Variants in CFAP251 observed in about 807,000 individuals in gnomAD.
CFAP251 encodes cilia and flagella associated protein 251.
In CFAP251, 93 loss-of-function variants were observed where a neutral mutation model predicts 126.7. The observed-to-expected ratio is 0.73, with a 90% CI of 0.62 to 0.87. The LOEUF is 0.87. CFAP251 is among the 40% of genes least tolerant of loss of function. The probability of loss-of-function intolerance (pLI) is 0.00; values close to 1 mark genes in which losing one functional copy is unlikely to be tolerated. For synonymous variants in CFAP251, 503 were observed against 506.9 expected (o/e 0.99, Z 0.10); for missense variants, 1,287 against 1,389.2 (o/e 0.93, Z 1.17).
intron 20 of CFAP251, among the ~76,000 whole-genome samples, chr12:122,001,289 C>T (rs1405603393): frequency 6.6e-6 from 1 of 151,944 alleles, no homozygotes; most frequent in Non-Finnish European, 1.5e-5. Context: ...CTCCTGACCT[C>T]AAGTGATACG....
rs1880638285 is a variant in CFAP251, at chr12:121,930,482, T to A, written c.748-1264T>A. Reference sequence around the variant, plus strand: ...AGCCTGGCAACAGAGTGAGACTCTGTTCCCTCCTCCAAAAAAAACAAAAAA... The same window carrying A: ...AGCCTGGCAACAGAGTGAGACTCTGATCCCTCCTCCAAAAAAAACAAAAAA... On this transcript the variant is annotated intron_variant, in intron 3 of 21. Coordinates refer to ENST00000288912, the MANE Select transcript of CFAP251 (RefSeq NM_144668.6). 2.0e-5 allele frequency among the ~76,000 whole-genome samples: 3 copies of A among 150,698 alleles called. No individual in the cohort carries two copies. In the South Asian group the frequency reaches 6.3e-4, roughly 32 times the overall value.
At chr12:121,975,112 A>G (rs1215104188) in intron 17 of CFAP251, 132 bp from the exon 18 acceptor site, 6 of 662,128 alleles carry the variant, frequency 9.1e-6, no homozygotes, top group Non-Finnish European at 1.6e-5. Flanking sequence ...TTTTCTTAAC[A>G]AGTGTGTAGA....
chr12:121,919,752 T>C (rs1236009317), intron 1 of CFAP251, among the ~76,000 whole-genome samples: 1 of 152,174 alleles, frequency 6.6e-6, no homozygotes, highest in Non-Finnish European at 1.5e-5. Flanking sequence ...TGCTAATATG[T>C]GGGTTATGCA....
At chr12:121,938,101 C>T (rs552800864) in intron 5 of CFAP251, among the ~76,000 whole-genome samples, 16 of 151,970 alleles carry the variant, frequency 1.1e-4, no homozygotes, top group Non-Finnish European at 2.1e-4. Flanking sequence ...GCCTCCGAGG[C>T]TCAAGTGATC....
intron 19 of CFAP251, among the ~76,000 whole-genome samples, chr12:121,995,557 C>T (rs948792212): frequency 2.0e-5 from 3 of 152,064 alleles, no homozygotes; most frequent in African/African-American, 7.2e-5. Flanking sequence ...AGCTGGAGTG[C>T]AGTGGCACAA....
intron 3 of CFAP251, among the ~76,000 whole-genome samples, chr12:121,930,466 A>G (rs1880636871): frequency 7.2e-6 from 1 of 138,432 alleles, no homozygotes; most frequent in Admixed American, 7.6e-5. Context: ...CAGCCTGGCA[A>G]CAGAGTGAGA....
rs538153615 is a variant in CFAP251, at chr12:121,922,843, A to G, written c.379-779A>G. On this transcript the variant is annotated intron_variant, in intron 2 of 21. Transcript: ENST00000288912. ...CTCGCTCTGTCGCCCAGGCTGGAGTACAGTGGTGCAATCTTGGCTCACTGC... is the reference window on the plus strand; with the variant it reads ...CTCGCTCTGTCGCCCAGGCTGGAGTGCAGTGGTGCAATCTTGGCTCACTGC... 3.2e-4 allele frequency among the ~76,000 whole-genome samples: 49 copies of G among 152,094 alleles called. No homozygotes were observed. In the South Asian group the frequency reaches 1.0e-2, roughly 31 times the overall value.
At position 121,991,992 on chromosome 12, in the gene CFAP251, T is replaced by TA. The variant is rs924052711; in HGVS notation, c.3007-7713dup. 4.6e-4 allele frequency among the ~76,000 whole-genome samples: 68 copies of TA among 147,774 alleles called. 1 individual carries two copies. The highest frequency in any genetic ancestry group is 1.7e-3 in the Admixed American group (25 of 14,812). On this transcript the variant is annotated intron_variant, in intron 19 of 21. Coordinates refer to ENST00000288912, the MANE Select transcript of CFAP251 (RefSeq NM_144668.6). Reference sequence around the variant, plus strand: ...TGGGCGACAGAGTGAGACTATCATCTAAAAAAAAAAATCAGGTTCTCAGGG... The same window carrying TA: ...TGGGCGACAGAGTGAGACTATCATCTAAAAAAAAAAAATCAGGTTCTCAGGG...
intron 1 of CFAP251, 113 bp from the exon 2 acceptor site, chr12:121,921,173 C>A: frequency 1.7e-6 from 2 of 1,189,290 alleles, no homozygotes; most frequent in Non-Finnish European, 2.3e-6. Context: ...CTTTTTATTC[C>A]TATGGAAAGG....
intron 7 of CFAP251, chr12:121,947,807 C>G (rs1203621914): frequency 6.6e-6 from 1 of 152,180 alleles, no homozygotes; most frequent in African/African-American, 2.4e-5. Context: ...GCCTCATGCA[C>G]TTGCTTTTGC....
At chr12:121,941,388 C>T (rs1881111855) in intron 5 of CFAP251, among the ~76,000 whole-genome samples, 3 of 131,680 alleles carry the variant, frequency 2.3e-5, no homozygotes, top group Admixed American at 1.8e-4. Flanking sequence ...GGCTGGAGTG[C>T]GGTGGCGTGA....
rs74545937 is a variant in CFAP251 at position 121,931,394 on chromosome 12, C to A, written c.748-352C>A. ...ATGGCGCGATCTCGGCTCACTGCAA[C>A]CTCCGCCTCCCGGGTTCAAGTGATT... is the stretch of plus-strand genomic sequence containing the variant. On this transcript the variant is annotated intron_variant, in intron 3 of 21. Coordinates refer to ENST00000288912, the MANE Select transcript of CFAP251 (RefSeq NM_144668.6). Among the ~76,000 whole-genome samples, 195 of 150,658 alleles carry A rather than the reference C, an allele frequency of 1.3e-3. 4 individuals are homozygous for A. The East Asian group carries it at 0.036, about 28-fold the overall frequency.
At position 121,989,410 on chromosome 12, in the gene CFAP251, C is replaced by T. The variant is rs1593005374; in HGVS notation, c.3007-10306C>T. On this transcript the variant is annotated intron_variant, in intron 19 of 21. Coordinates refer to ENST00000288912, the MANE Select transcript of CFAP251 (RefSeq NM_144668.6). The surrounding 1 kb of genome is among the most constrained non-coding windows in gnomAD (Gnocchi z 4.2). ...AGGGCAGAACTGTGCATGCATGCCC[C>T]ACTCCTGGAAAAAGAGGCAGTCGCC... Among the ~76,000 whole-genome samples the T allele has an allele frequency of 6.6e-6, 1 of 152,238 alleles. No homozygotes were observed. Among genetic ancestry groups the T allele is most frequent in the East Asian group, 1.9e-4 (1 of 5,194 alleles).
chr12:121,958,550 G>C lies in CFAP251; in HGVS notation c.1981+28G>C, dbSNP rs374530029. 15 of 1,612,780 alleles carry C rather than the reference G, an allele frequency of 9.3e-6. No homozygotes were observed. In the African/African-American group the frequency reaches 2.0e-4, roughly 22 times the overall value. On this transcript the variant is annotated intron_variant, in intron 12 of 21. Coordinates refer to ENST00000288912, the MANE Select transcript of CFAP251 (RefSeq NM_144668.6). ...ATTTTCATCTTATCAGCCTACCATC[G>C]GTTCCACATGGACAGCCCTGAAAGG...
chr12:121,986,184 G>T (rs1346877909), intron 19 of CFAP251, among the ~76,000 whole-genome samples: 1 of 151,884 alleles, frequency 6.6e-6, no homozygotes, highest in Non-Finnish European at 1.5e-5. Flanking sequence ...TAGAGATGGG[G>T]TTTCGCCATG....
At chr12:121,952,420 TA>T (rs11324705) in intron 9 of CFAP251, among the ~76,000 whole-genome samples, 11,783 of 146,598 alleles carry the variant, frequency 0.08, 879 homozygotes, top group African/African-American at 0.2. Context: ...ACCCTGTATA[TA>T]AAAAAAAAAA....
intron 4 of CFAP251, chr12:121,933,716 G>T: frequency 6.5e-6 from 1 of 152,724 alleles, no homozygotes. Context: ...CTACTTGGGA[G>T]GCCGAGGTGG....
chr12:121,932,010 C>A, intron 4 of CFAP251, 124 bp downstream of exon 4: 2 of 969,014 alleles, frequency 2.1e-6, no homozygotes, highest in Non-Finnish European at 2.8e-6. Context: ...CTCCTTGGAA[C>A]TAAAAGCAAG....
In CFAP251 at chr12:121,969,993, T is replaced by C. The variant is rs539242944; in HGVS notation, c.2771+1824T>C. On this transcript the variant is annotated intron_variant, in intron 17 of 21. Coordinates refer to ENST00000288912, the MANE Select transcript of CFAP251 (RefSeq NM_144668.6). ...TGCTGCTTCTGGTGACTTAATATGA[T>C]CAGCACTTCACTAATGGAGAGAAAT... 5 of 977,190 alleles carry C rather than the reference T, an allele frequency of 5.1e-6. No individual in the cohort carries two copies. In the South Asian group the frequency reaches 1.9e-4, roughly 37 times the overall value. 60.5% of individuals were successfully genotyped at this position (977,190 alleles called of 1,614,324 possible). A position where few individuals can be genotyped will look rare whatever the true frequency, so the allele number is the denominator to read the frequency against.
Sources: gnomAD v4.1 joint callset for allele counts (sites outside exome capture counted in the v4.1 genomes callset) on GRCh38, gnomAD v4.1.1 for gene constraint, Gnocchi (gnomAD v3.1) non-coding constraint, MANE v1.5 for transcripts, NCBI Gene and HGNC (gene_info 2026-07-23, HGNC 2026-07-21) for gene names.